Variants in CAMKMT observed in about 807,000 individuals in gnomAD.
CAMKMT encodes the protein CaM KMT.
CAMKMT carries 53 observed loss-of-function variants against 48.0 expected under a neutral mutation model. That is an observed-to-expected ratio of 1.10 (90% confidence interval 0.89 to 1.39). The LOEUF (loss-of-function observed/expected upper bound fraction) is 1.39, where lower values mean the gene tolerates loss of function less well. Among genes scored for constraint, CAMKMT ranks in the 40% most tolerant of loss-of-function variants. The pLI, the probability that CAMKMT is intolerant of heterozygous loss-of-function variation, is 0.00. For missense variants in CAMKMT, 428 were observed against 402.7 expected (o/e 1.06, Z -0.54); for synonymous variants, 165 against 152.3 (o/e 1.08, Z -0.61).
intron 3 of CAMKMT, among the ~76,000 whole-genome samples, chr2:44,392,404 A>C (rs1460844833): frequency 6.6e-6 from 1 of 152,150 alleles, no homozygotes; most frequent in Non-Finnish European, 1.5e-5. Flanking sequence ...TGTTCCAATA[A>C]AGTAAATATT....
chr2:44,675,671 C>A (rs1206560532), intron 3 of CAMKMT, among the ~76,000 whole-genome samples: 2 of 152,164 alleles, frequency 1.3e-5, no homozygotes, highest in East Asian at 3.8e-4. Context: ...GTAAAATACA[C>A]ATAATGTAAA....
At chr2:44,725,168 G>A (rs1401499713) in intron 7 of CAMKMT, among the ~76,000 whole-genome samples, 2 of 151,742 alleles carry the variant, frequency 1.3e-5, no homozygotes, top group Non-Finnish European at 2.9e-5. Context: ...GTGTGTGTGT[G>A]TGTGTGTGTG....
intron 3 of CAMKMT, chr2:44,401,217 G>A (rs2104446849): frequency 6.6e-6 from 1 of 152,226 alleles, no homozygotes; most frequent in South Asian, 2.1e-4. Flanking sequence ...GTACTTGGAT[G>A]ATTTCTGTGA....
At chr2:44,394,902 T>C in intron 3 of CAMKMT, 1 of 454,510 alleles carries the variant, frequency 2.2e-6, no homozygotes, top group South Asian at 1.6e-5. Context: ...TATGTTCCTG[T>C]AGTCCCAGCT....
intron 3 of CAMKMT, among the ~76,000 whole-genome samples, chr2:44,390,847 T>C (rs1425654741): frequency 1.3e-5 from 2 of 152,310 alleles, no homozygotes; most frequent in Non-Finnish European, 2.9e-5. Flanking sequence ...TTCTGATTAA[T>C]TGGTGATAGA....
intron 10 of CAMKMT, among the ~76,000 whole-genome samples, chr2:44,768,361 A>T (rs73924557): frequency 0.095 from 10,950 of 115,676 alleles, 723 homozygotes; most frequent in East Asian, 0.21. Context: ...ATATATATAT[A>T]TTTTTTTTTT....
intron 2 of CAMKMT, among the ~76,000 whole-genome samples, chr2:44,389,438 G>T (rs1284254489): frequency 6.6e-6 from 1 of 152,122 alleles, no homozygotes; most frequent in African/African-American, 2.4e-5. Context: ...CAAAGTGAAT[G>T]TTGAAGTAAA....
intron 3 of CAMKMT, among the ~76,000 whole-genome samples, chr2:44,638,833 G>T (rs1037190617): frequency 2.0e-5 from 3 of 152,196 alleles, no homozygotes; most frequent in Non-Finnish European, 4.4e-5. Context: ...TCCAGCACGT[G>T]TTGTCAGTGA....
Position 44,390,293 on chromosome 2 carries a change from A to G in CAMKMT, c.364A>G (p.Thr122Ala), listed in dbSNP as rs1229326958. The G allele has an allele frequency of 3.1e-6, 5 of 1,605,976 alleles. No homozygotes were observed. The highest frequency in any genetic ancestry group is 4.3e-6 in the Non-Finnish European group (5 of 1,175,180). The change falls in exon 3 of 11, where the codon ACA (threonine) becomes GCA (alanine). Residue 122 changes from threonine to alanine, a missense_variant. By Grantham distance (58) the Thr-to-Ala change is moderately conservative (BLOSUM62 0). Transcript: ENST00000378494. ...AGATGTCCTTACCAGCTTTGACAATACAGGAAATGTTTGTAAGTTATACAT... is the reference window on the plus strand; with the variant it reads ...AGATGTCCTTACCAGCTTTGACAATGCAGGAAATGTTTGTAAGTTATACAT... ...VEDVLTSFDNTGNVCIWPSEE... is the reference protein window; with the variant it reads ...VEDVLTSFDNAGNVCIWPSEE...
At chr2:44,363,826 G>GA (rs1191749542) in intron 1 of CAMKMT, among the ~76,000 whole-genome samples, 2 of 151,462 alleles carry the variant, frequency 1.3e-5, no homozygotes, top group Admixed American at 6.6e-5. Context: ...GAATAGCTGG[G>GA]ATTACAGGTG....
chr2:44,412,665 T>A (rs1300910972), intron 3 of CAMKMT, among the ~76,000 whole-genome samples: 1 of 152,268 alleles, frequency 6.6e-6, no homozygotes, highest in East Asian at 1.9e-4. Flanking sequence ...ATACATTTCA[T>A]TGAATTACTT....
At chr2:44,461,838 G>T (rs1459752054) in intron 3 of CAMKMT, among the ~76,000 whole-genome samples, 1 of 152,108 alleles carries the variant, frequency 6.6e-6, no homozygotes, top group Non-Finnish European at 1.5e-5. Flanking sequence ...GATGGGGTAA[G>T]GGTAGGGCCA....
At chr2:44,364,012 T>C (rs1223448544) in intron 1 of CAMKMT, among the ~76,000 whole-genome samples, 4 of 8,224 alleles carry the variant, frequency 4.9e-4, no homozygotes, top group Non-Finnish European at 8.6e-4. Context: ...CCACCCTTCC[T>C]TTTTTTTTTT....
chr2:44,584,505 A>C (rs2103786656), intron 3 of CAMKMT, among the ~76,000 whole-genome samples: 1 of 152,340 alleles, frequency 6.6e-6, no homozygotes, highest in African/African-American at 2.4e-5. Flanking sequence ...AATGCTTCCT[A>C]AGTTGTTGAG....
chr2:44,766,217 G>T (rs1363048712), intron 9 of CAMKMT, among the ~76,000 whole-genome samples: 1 of 152,142 alleles, frequency 6.6e-6, no homozygotes, highest in Non-Finnish European at 1.5e-5. Context: ...ATAAAACACA[G>T]CAACTGGCCA....
At chr2:44,432,464 CAG>C (rs1376978988) in intron 3 of CAMKMT, among the ~76,000 whole-genome samples, 4 of 152,174 alleles carry the variant, frequency 2.6e-5, no homozygotes, top group Non-Finnish European at 5.9e-5. Flanking sequence ...CCCTGGGTCT[CAG>C]AAGAGAATAC....
At chr2:44,371,133 C>T (rs533599081) in intron 1 of CAMKMT, among the ~76,000 whole-genome samples, 16 of 152,150 alleles carry the variant, frequency 1.1e-4, no homozygotes, top group East Asian at 3.9e-4. Flanking sequence ...TACAGGCCCC[C>T]GCCACCACAC....
intron 2 of CAMKMT, among the ~76,000 whole-genome samples, chr2:44,378,586 C>T (rs897815414): frequency 1.3e-5 from 2 of 152,080 alleles, no homozygotes; most frequent in South Asian, 2.1e-4. Flanking sequence ...CTCCGCCTCC[C>T]GGGTTCAAGC....
chr2:44,666,575 T>C (rs1482568064), intron 3 of CAMKMT, among the ~76,000 whole-genome samples: 2 of 151,580 alleles, frequency 1.3e-5, no homozygotes, highest in Non-Finnish European at 2.9e-5. Context: ...GTAATAAAAC[T>C]GAACTTGTAT....
Sources: allele counts gnomAD v4.1 joint callset (sites outside exome capture counted in the v4.1 genomes callset), GRCh38; gene constraint gnomAD v4.1.1; transcripts MANE v1.5; gene names NCBI Gene and HGNC (gene_info 2026-07-23, HGNC 2026-07-21).